The following PNPLA6 variants were observed in gnomAD, a reference collection of about 807,000 sequenced individuals.
The protein encoded by PNPLA6 is patatin-like phospholipase domain-containing protein 6.
Under a neutral mutation model 153.7 loss-of-function variants are expected in PNPLA6, and 105 were observed. That is an observed-to-expected ratio of 0.68 (90% CI 0.58 to 0.80). The LOEUF (loss-of-function observed/expected upper bound fraction) is 0.80, where lower values mean the gene tolerates loss of function less well. PNPLA6 is among the 30% of genes least tolerant of loss of function. The pLI, the probability that PNPLA6 is intolerant of heterozygous loss-of-function variation, is 0.00. For synonymous variants in PNPLA6, 825 were observed against 822.2 expected (o/e 1.00, Z -0.06); for missense variants, 1,423 against 1,919.3 (o/e 0.74, Z 4.83).
At chr19:7,535,296 G>A (rs1411008851), upstream of PNPLA6, 1 of 600,856 alleles carries the variant, frequency 1.7e-6, no homozygotes, top group South Asian at 1.9e-5. This position sits in a 1 kb window ranked among gnomAD's most constrained non-coding sequence, Gnocchi z 5.0. Context: ...AGGAAGCCGG[G>A]GACCCGCCTC....
intron 13 of PNPLA6, among the ~76,000 whole-genome samples, chr19:7,549,432 T>A (rs746251417): frequency 6.6e-6 from 1 of 151,686 alleles, no homozygotes; most frequent in African/African-American, 2.4e-5. Flanking sequence ...TTGATCCGCC[T>A]GCCTCGGCCT....
At chr19:7,535,664 G>C (rs552972414), upstream of PNPLA6, 5 of 1,543,246 alleles carry the variant, frequency 3.2e-6, no homozygotes, top group Non-Finnish European at 4.4e-6. This position sits in a 1 kb window ranked among gnomAD's most constrained non-coding sequence, Gnocchi z 5.0. Flanking sequence ...CGCATTACGT[G>C]GTCTGGCGAT....
chr19:7,544,316 T>C lies in PNPLA6; in HGVS notation c.1608+1232T>C, dbSNP rs1290309962. ...TAGTAGAGATGGGGTTTTGCCATGT[T>C]GGCCAGCCTTGTCTCAAACTCCTGA... On this transcript the variant is annotated intron_variant, in intron 13 of 31. Coordinates refer to ENST00000600737, the MANE Select transcript of PNPLA6 (RefSeq NM_001166114.2). 2.6e-5 allele frequency among the ~76,000 whole-genome samples: 4 copies of C among 151,380 alleles called. No homozygotes were observed. The East Asian group carries it at 7.7e-4, about 29-fold the overall frequency.
Position 7,555,101 on chromosome 19 carries a change from T to C in PNPLA6, c.2817+26T>C. The stretch of plus-strand genomic sequence containing the variant: ...GTGAGGAGCGGGCCGGCCCCCACCT[T>C]CTAGGGGCGTGGCTGGTGGGCGAGG... On this transcript the variant is annotated intron_variant, in intron 22 of 31. Coordinates refer to ENST00000600737, the MANE Select transcript of PNPLA6 (RefSeq NM_001166114.2). This position sits in a 1 kb window ranked among gnomAD's most constrained non-coding sequence, Gnocchi z 6.3. 6.3e-7 allele frequency: 1 copy of C among 1,587,464 alleles called. No homozygotes were observed. The highest frequency in any genetic ancestry group is 8.5e-7 in the Non-Finnish European group (1 of 1,174,614).
intron 13 of PNPLA6, among the ~76,000 whole-genome samples, chr19:7,543,354 G>T (rs1190282033): frequency 2.0e-5 from 3 of 151,994 alleles, no homozygotes; most frequent in Non-Finnish European, 4.4e-5. Flanking sequence ...TCTCCTGCCT[G>T]CCCTGGCTCT....
chr19:7,543,051 A>G lies in PNPLA6; in HGVS notation c.1575A>G (p.Lys525=). ...LNSRVLLHHA[K]AGTIIARQGD... ...GCAGAGTCTTGCTGCACCACGCCAA[A>G]GCTGGCACCATCATTGCCCGCCAGG... is the stretch of plus-strand genomic sequence containing the variant. The change falls in exon 13 of 32, where the codon AAA becomes AAG. Residue 525 remains lysine, a synonymous_variant. Coordinates refer to ENST00000600737, the MANE Select transcript of PNPLA6 (RefSeq NM_001166114.2). 6.2e-7 allele frequency: 1 copy of G among 1,613,972 alleles called. No homozygotes were observed. Among genetic ancestry groups the G allele is most frequent in the Non-Finnish European group, 8.5e-7 (1 of 1,179,996 alleles).
intron 26 of PNPLA6, 160 bp from the exon 27 acceptor site, chr19:7,557,008 C>G: frequency 6.5e-6 from 5 of 770,104 alleles, no homozygotes; most frequent in Non-Finnish European, 1.2e-5. Flanking sequence ...TCCTACTGCC[C>G]CTACCTGCCC....
rs771827201 is a variant in PNPLA6, at chr19:7,539,907, C to G, written c.414-11C>G. 1 of 1,536,780 alleles carries G rather than the reference C, an allele frequency of 6.5e-7. No individual in the cohort carries two copies. On this transcript the variant is annotated splice_polypyrimidine_tract_variant and intron_variant, in intron 3 of 31. Transcript: ENST00000600737. The stretch of plus-strand genomic sequence containing the variant: ...CCCCCCTCACCCCCGGCACCCCTCC[C>G]CTCCCACCAGGATCCTGCGCATCCA...
intron 13 of PNPLA6, among the ~76,000 whole-genome samples, chr19:7,549,148 T>C (rs2023526396): frequency 6.7e-6 from 1 of 150,348 alleles, no homozygotes. Flanking sequence ...AGATGGTGCT[T>C]ATATCCAAAG....
At position 7,549,924 on chromosome 19, in the gene PNPLA6, C is replaced by T. The variant is rs778970098; in HGVS notation, c.1626C>T (p.Phe542=). 42 of 1,613,504 alleles carry T rather than the reference C, an allele frequency of 2.6e-5. No individual in the cohort carries two copies. The highest frequency in any genetic ancestry group is 6.8e-6 in the Non-Finnish European group (8 of 1,180,044). ...RQGDQDVSLH[F]VLWGCLHVYQ... is the part of the protein sequence containing the mutation. ...CCGCACAGGACGTGAGCCTGCACTT[C>T]GTGCTCTGGGGCTGCCTGCACGTGT... Residue 542 remains phenylalanine, a synonymous_variant, in exon 14 of 32, where the codon TTC becomes TTT. Coordinates refer to ENST00000600737, the MANE Select transcript of PNPLA6 (RefSeq NM_001166114.2).
At chr19:7,547,465 T>C (rs1190422802) in intron 13 of PNPLA6, among the ~76,000 whole-genome samples, 2 of 152,174 alleles carry the variant, frequency 1.3e-5, no homozygotes, top group Non-Finnish European at 2.9e-5. Flanking sequence ...TATATCTTCT[T>C]TGGAGAAGTT....
intron 19 of PNPLA6, 50 bp downstream of exon 19, chr19:7,554,065 A>G: frequency 1.3e-6 from 2 of 1,595,728 alleles, no homozygotes. Context: ...GTGGGACATT[A>G]GTGAGTGAGA....
rs374297942 is a variant in PNPLA6, at chr19:7,543,071, G to A, written c.1595G>A (p.Arg532His). ...GCCAAAGCTGGCACCATCATTGCCC[G>A]CCAGGGAGACCAGGTGAGGCTGACC... ...HHAKAGTIIA[R>H]QGDQDVSLHF... The change falls in exon 13 of 32, where the codon CGC becomes CAC. Residue 532 changes from arginine to histidine, a missense_variant. By Grantham distance (29) the Arg-to-His change is conservative. Around this residue, in one of 10 missense-constraint regions of PNPLA6, gnomAD observed 119 missense variants for 163.7 expected, o/e 0.73. Coordinates refer to ENST00000600737, the MANE Select transcript of PNPLA6 (RefSeq NM_001166114.2). 1.9e-5 allele frequency: 30 copies of A among 1,613,688 alleles called. No homozygotes were observed. Among genetic ancestry groups the A allele is most frequent in the East Asian group, 6.7e-5 (3 of 44,886 alleles).
In PNPLA6 at chr19:7,535,782, T is replaced by G. The variant is rs1336358523; in HGVS notation, c.-7T>G. 1 of 1,534,922 alleles carries G rather than the reference T, an allele frequency of 6.5e-7. No homozygotes were observed. The highest frequency in any genetic ancestry group is 2.4e-5 in the East Asian group (1 of 40,846). ...CGGGGAGGGAGCAGCACTGGCCCAT[T>G]CTGCAGATGGGGACATCGAGTCACG... On this transcript the variant is annotated 5_prime_UTR_variant, in exon 1 of 32. The change creates a new upstream start codon in the 5' untranslated region. Coordinates refer to ENST00000600737, the MANE Select transcript of PNPLA6 (RefSeq NM_001166114.2). The surrounding 1 kb of genome is among the most constrained non-coding windows in gnomAD (Gnocchi z 5.0).
intron 16 of PNPLA6, 141 bp downstream of exon 16, chr19:7,550,781 G>C: frequency 2.6e-6 from 3 of 1,157,924 alleles, no homozygotes; most frequent in Non-Finnish European, 3.6e-6. Context: ...TCCCCGCCCA[G>C]ACCTCATTTC....
At chr19:7,535,240 T>C, upstream of PNPLA6, 2 of 561,732 alleles carry the variant, frequency 3.6e-6, no homozygotes, top group Non-Finnish European at 6.4e-6. This position sits in a 1 kb window ranked among gnomAD's most constrained non-coding sequence, Gnocchi z 5.0. Flanking sequence ...GGGGTGGGGT[T>C]GGACAGGCGG....
Position 7,548,734 on chromosome 19 carries a change from T to C in PNPLA6, c.1609-1173T>C, listed in dbSNP as rs28809248. ...ATATATATATACACACACATATATA[T>C]ACACACATATATATATAGAGAGAGA... On this transcript the variant is annotated intron_variant, in intron 13 of 31. Transcript: ENST00000600737. Among the ~76,000 whole-genome samples, 125 of 110,996 alleles carry C rather than the reference T, an allele frequency of 1.1e-3. 1 individual carries two copies. Among genetic ancestry groups the C allele is most frequent in the Admixed American group, 1.7e-3 (19 of 10,902 alleles). 72.8% of individuals were successfully genotyped at this position (110,996 alleles called of 152,430 possible).
In PNPLA6 at chr19:7,542,676, G is replaced by C. The variant is rs1410225527; in HGVS notation, c.1362+6G>C. ...CCCTGGCAGCCCCCGCTCGGGTAAG[G>C]CTTGGGACCCTGCCCGGTGGTGGAG... On this transcript the variant is annotated splice_donor_region_variant and intron_variant, in intron 11 of 31. Transcript: ENST00000600737. 1.2e-6 allele frequency: 2 copies of C among 1,612,712 alleles called. No individual in the cohort carries two copies. The highest frequency in any genetic ancestry group is 1.7e-6 in the Non-Finnish European group (2 of 1,179,746).
rs1282451359 is a variant in PNPLA6, at chr19:7,536,262, A to T, written c.304A>T (p.Ile102Phe). 1.2e-6 allele frequency: 2 copies of T among 1,613,306 alleles called. No individual in the cohort carries two copies. The highest frequency in any genetic ancestry group is 3.3e-5 in the Admixed American group (2 of 59,998). ...CAAAGTGCTCTTCTATGGCCGGAAG[A>T]TTATGCGGAAGGTGAGTCCGGGACC... is the stretch of plus-strand genomic sequence containing the variant. ...RDKVLFYGRK[I>F]MRKVSQSTSS... The change falls in exon 2 of 32, where the codon ATT becomes TTT. Residue 102 changes from isoleucine to phenylalanine, a missense_variant. Physicochemically the swap from Ile to Phe is conservative, Grantham distance 21. Coordinates refer to ENST00000600737, the MANE Select transcript of PNPLA6 (RefSeq NM_001166114.2).
Sources: allele counts gnomAD v4.1 joint callset (sites outside exome capture counted in the v4.1 genomes callset), GRCh38; gene constraint gnomAD v4.1.1; regional missense constraint gnomAD v4.1.1; non-coding constraint Gnocchi (gnomAD v3.1); transcripts MANE v1.5; gene names NCBI Gene and HGNC (gene_info 2026-07-23, HGNC 2026-07-21).